The following EBF2 variants were observed in gnomAD, a reference collection of about 807,000 sequenced individuals.
The protein encoded by EBF2 is EBF transcription factor 2, also known as transcription factor COE2.
In EBF2, 21 loss-of-function variants were observed where a neutral mutation model predicts 72.8. The ratio of observed to expected loss-of-function variants is 0.29; its 90% CI spans 0.20 to 0.42. The LOEUF (loss-of-function observed/expected upper bound fraction) is 0.42. EBF2 is among the 10% of genes least tolerant of loss of function. The pLI is 1.00. For synonymous variants in EBF2, 299 were observed against 274.2 expected (o/e 1.09, Z -0.89); for missense variants, 637 against 731.2 (o/e 0.87, Z 1.49).
At chr8:26,015,720 T>C (rs753661325) in intron 6 of EBF2, among the ~76,000 whole-genome samples, 2 of 152,244 alleles carry the variant, frequency 1.3e-5, no homozygotes, top group African/African-American at 2.4e-5. Context: ...ATAATGAAGG[T>C]TGCTTCTTCA....
chr8:25,902,980 A>G (rs1802979345), intron 7 of EBF2, among the ~76,000 whole-genome samples: 1 of 152,302 alleles, frequency 6.6e-6, no homozygotes, highest in East Asian at 1.9e-4. Context: ...GCAGAGGCTG[A>G]GTGGCCTTCT....
intron 6 of EBF2, among the ~76,000 whole-genome samples, chr8:25,935,638 A>G (rs983944191): frequency 2.8e-4 from 43 of 152,056 alleles, no homozygotes; most frequent in African/African-American, 7.7e-4. Context: ...CCCTATCAGG[A>G]GTGTTATTTG....
chr8:25,920,102 G>T (rs552781617), intron 6 of EBF2, among the ~76,000 whole-genome samples: 1 of 152,182 alleles, frequency 6.6e-6, no homozygotes, highest in South Asian at 2.1e-4. Flanking sequence ...ACAGCAGCTG[G>T]AATAATAAGA....
intron 14 of EBF2, among the ~76,000 whole-genome samples, chr8:25,857,012 A>G (rs774047454): frequency 1.3e-5 from 2 of 152,170 alleles, no homozygotes; most frequent in Non-Finnish European, 2.9e-5. Flanking sequence ...TTTGACTGCA[A>G]TAATTCCCCC....
intron 6 of EBF2, among the ~76,000 whole-genome samples, chr8:25,911,329 G>A (rs1220275646): frequency 6.6e-6 from 1 of 152,184 alleles, no homozygotes; most frequent in Non-Finnish European, 1.5e-5. Context: ...CATAACCACG[G>A]TGCATGCTAC....
chr8:25,993,634 G>A lies in EBF2; in HGVS notation c.551+39451C>T, dbSNP rs543587506. Among the ~76,000 whole-genome samples the A allele has an allele frequency of 4.6e-5, 7 of 152,222 alleles. No homozygotes were observed. The South Asian group carries it at 6.2e-4, about 14-fold the overall frequency. On this transcript the variant is annotated intron_variant, in intron 6 of 15. Coordinates refer to ENST00000520164, the MANE Select transcript of EBF2 (RefSeq NM_022659.4). ...CCAGTTCATTCTTCACGCAGCAACC[G>A]GGGGAAACTGCAACCACTGTGTGGA...
chr8:26,023,664 T>G (rs1336678811), intron 6 of EBF2, among the ~76,000 whole-genome samples: 1 of 152,162 alleles, frequency 6.6e-6, no homozygotes, highest in Non-Finnish European at 1.5e-5. Flanking sequence ...ATTCACAGAT[T>G]GCCAGATGGT....
rs543124438 is a variant in EBF2 at position 25,949,868 on chromosome 8, C to A, written c.552-41313G>T. Among the ~76,000 whole-genome samples the A allele has an allele frequency of 2.0e-5, 3 of 152,274 alleles. 1 individual carries two copies. In the South Asian group the frequency reaches 6.2e-4, roughly 32 times the overall value. Reference sequence around the variant, plus strand: ...GTTTTGCCTCGAGCTGGCCTGCAGGCATTCATCAGTACCACACAGGATGAC... The same window carrying A: ...GTTTTGCCTCGAGCTGGCCTGCAGGAATTCATCAGTACCACACAGGATGAC... On this transcript the variant is annotated intron_variant, in intron 6 of 15. Transcript: ENST00000520164.
At chr8:26,043,872 A>T (rs2117270202) in intron 1 of EBF2, among the ~76,000 whole-genome samples, 1 of 152,216 alleles carries the variant, frequency 6.6e-6, no homozygotes, top group South Asian at 2.1e-4. Context: ...GTGATGAGAG[A>T]GTGGGACCGT....
intron 7 of EBF2, among the ~76,000 whole-genome samples, chr8:25,903,297 G>A (rs1802984598): frequency 6.7e-6 from 1 of 149,360 alleles, no homozygotes; most frequent in Non-Finnish European, 1.5e-5. Context: ...GCCTTCCTAA[G>A]AGCTGGGATT....
chr8:25,933,947 C>T (rs542535161), intron 6 of EBF2, among the ~76,000 whole-genome samples: 47 of 152,052 alleles, frequency 3.1e-4, no homozygotes, highest in African/African-American at 1.1e-3. Flanking sequence ...CTAAAATGAC[C>T]ATACATTGTT....
At chr8:26,043,452 G>T (rs1191591260) in intron 1 of EBF2, among the ~76,000 whole-genome samples, 1 of 152,254 alleles carries the variant, frequency 6.6e-6, no homozygotes, top group Non-Finnish European at 1.5e-5. Flanking sequence ...AAGGAAATGC[G>T]CGGCACAGTT....
intron 6 of EBF2, among the ~76,000 whole-genome samples, chr8:25,990,188 T>TACAC (rs60406400): frequency 0.03 from 4,384 of 146,336 alleles, 92 homozygotes; most frequent in African/African-American, 0.055. Context: ...CTATGGGTTA[T>TACAC]ACACACACAC....
Position 25,995,104 on chromosome 8 carries a change from G to A in EBF2, c.551+37981C>T, listed in dbSNP as rs370741616. Among the ~76,000 whole-genome samples, 18 of 152,208 alleles carry A rather than the reference G, an allele frequency of 1.2e-4. No homozygotes were observed. The East Asian group carries it at 2.1e-3, about 18-fold the overall frequency. On this transcript the variant is annotated intron_variant, in intron 6 of 15. Coordinates refer to ENST00000520164, the MANE Select transcript of EBF2 (RefSeq NM_022659.4). The stretch of plus-strand genomic sequence containing the variant: ...GCAGATCACGTGAGGTCAGGAGTTC[G>A]AGACCAGCCTGACCAACATGGAGAA...
intron 6 of EBF2, among the ~76,000 whole-genome samples, chr8:25,971,171 C>A (rs1804183755): frequency 6.6e-6 from 1 of 152,158 alleles, no homozygotes; most frequent in Non-Finnish European, 1.5e-5. Flanking sequence ...AACAAAAATT[C>A]CCTTCTTGGA....
At chr8:26,001,842 CCCA>C (rs1167869289) in intron 6 of EBF2, among the ~76,000 whole-genome samples, 8 of 152,152 alleles carry the variant, frequency 5.3e-5, no homozygotes, top group African/African-American at 1.9e-4. Context: ...AGCCACCACA[CCCA>C]GCCCTGCATT....
intron 13 of EBF2, among the ~76,000 whole-genome samples, chr8:25,859,239 T>A (rs1045754500): frequency 6.6e-6 from 1 of 152,204 alleles, no homozygotes; most frequent in Non-Finnish European, 1.5e-5. Flanking sequence ...GCCTAGAGAA[T>A]AAATAAACTG....
chr8:26,040,189 C>G, intron 4 of EBF2, 88 bp from the exon 5 acceptor site: 1 of 1,392,038 alleles, frequency 7.2e-7, no homozygotes, highest in East Asian at 2.3e-5. Context: ...CACAACATCG[C>G]TTTCCCTCCC....
chr8:25,941,903 G>T (rs545602216), intron 6 of EBF2, among the ~76,000 whole-genome samples: 1 of 152,292 alleles, frequency 6.6e-6, no homozygotes, highest in South Asian at 2.1e-4. Context: ...GATGGCCCAG[G>T]GTTCTCGTCC....
Sources: allele counts gnomAD v4.1 joint callset (sites outside exome capture counted in the v4.1 genomes callset), GRCh38; gene constraint gnomAD v4.1.1; transcripts MANE v1.5; gene names NCBI Gene and HGNC (gene_info 2026-07-23, HGNC 2026-07-21).